The following PSMD2 variants were observed in gnomAD, a reference collection of about 807,000 sequenced individuals.
PSMD2 encodes the protein proteasome 26S subunit ubiquitin receptor, non-ATPase 2.
A neutral mutation model predicts 101.5 loss-of-function variants in PSMD2; 8 were observed. That is an observed-to-expected ratio of 0.08 (90% confidence interval 0.05 to 0.14). The LOEUF is 0.14. PSMD2 is among the 10% of genes least tolerant of loss of function. The probability of loss-of-function intolerance (pLI) is 1.00; values close to 1 mark genes in which losing one functional copy is unlikely to be tolerated. For missense variants in PSMD2, 784 were observed against 1,147.4 expected (o/e 0.68, Z 4.58); for synonymous variants, 418 against 433.8 (o/e 0.96, Z 0.45).
At position 184,304,566 on chromosome 3, in the gene PSMD2, G is replaced by A. The variant is rs1224520626; in HGVS notation, c.1539+175G>A. On this transcript the variant is annotated intron_variant, in intron 12 of 20. Coordinates refer to ENST00000310118, the MANE Select transcript of PSMD2 (RefSeq NM_002808.5). The surrounding 1 kb of genome is among the most constrained non-coding windows in gnomAD (Gnocchi z 4.1). ...GAAACCCCTTGATCTGGGATTCTAA[G>A]CCTCTGGTGGTTTTAAGGCTAAAGA... Among the ~76,000 whole-genome samples the A allele has an allele frequency of 6.6e-6, 1 of 152,184 alleles. No homozygotes were observed. Among genetic ancestry groups the A allele is most frequent in the Non-Finnish European group, 1.5e-5 (1 of 68,042 alleles).
At position 184,308,953 on chromosome 3, in the gene PSMD2, A is replaced by G; in HGVS notation, c.*63A>G. ...CAGCAGGCCATGCATCCTGCTGCCA[A>G]GGGTGGACACGGCTGCAGACTTCTG... is the stretch of plus-strand genomic sequence containing the variant. On this transcript the variant is annotated 3_prime_UTR_variant, in exon 21 of 21. Transcript: ENST00000310118. The surrounding 1 kb of genome is among the most constrained non-coding windows in gnomAD (Gnocchi z 6.0). The G allele has an allele frequency of 2.0e-6, 3 of 1,516,014 alleles. No homozygotes were observed. The African/African-American group carries it at 4.1e-5, about 21-fold the overall frequency. The allele number at this position is 1,516,014 out of a possible 1,614,324, so 93.9% of individuals were successfully genotyped here. A position where few individuals can be genotyped will look rare whatever the true frequency, so the allele number is the denominator to read the frequency against.
rs1721894997 is a variant in PSMD2 at position 184,308,078 on chromosome 3, G to A, written c.2425+62G>A. On this transcript the variant is annotated intron_variant, in intron 19 of 20. Transcript: ENST00000310118. This position sits in a 1 kb window ranked among gnomAD's most constrained non-coding sequence, Gnocchi z 6.0. The stretch of plus-strand genomic sequence containing the variant: ...AGGGCTCTGACTCCACCCTTTCCAG[G>A]GCCACTTTGATAATTTAGGTTCAAG... The A allele has an allele frequency of 1.3e-6, 2 of 1,593,212 alleles. No individual in the cohort carries two copies. The highest frequency in any genetic ancestry group is 1.7e-6 in the Non-Finnish European group (2 of 1,170,730).
At chr3:184,305,723 A>AAC in intron 12 of PSMD2, 45 bp from the exon 13 acceptor site, 1 of 1,558,596 alleles carries the variant, frequency 6.4e-7, no homozygotes, top group Non-Finnish European at 8.8e-7. Context: ...AGACATAAAT[A>AAC]TTTTAATAAC....
chr3:184,302,274 A>T, intron 5 of PSMD2, 96 bp from the exon 6 acceptor site: 1 of 1,326,226 alleles, frequency 7.5e-7, no homozygotes, highest in Non-Finnish European at 1.0e-6. Context: ...CCTGGTGTAT[A>T]TAGTAGATAT....
intron 14 of PSMD2, 71 bp downstream of exon 14, chr3:184,306,226 A>G: frequency 6.3e-7 from 1 of 1,597,582 alleles, no homozygotes; most frequent in Non-Finnish European, 8.6e-7. Context: ...CCTTATTTTC[A>G]GGTTGTTTCT....
chr3:184,308,918 C>T lies in PSMD2; in HGVS notation c.*28C>T. 6.3e-7 allele frequency: 1 copy of T among 1,591,368 alleles called. No homozygotes were observed. The highest frequency in any genetic ancestry group is 1.3e-5 in the African/African-American group (1 of 74,590). On this transcript the variant is annotated 3_prime_UTR_variant, in exon 21 of 21. Coordinates refer to ENST00000310118, the MANE Select transcript of PSMD2 (RefSeq NM_002808.5). This position sits in a 1 kb window ranked among gnomAD's most constrained non-coding sequence, Gnocchi z 6.0. Reference sequence around the variant, plus strand: ...GACCACCAGGGGCTCTGAACTGCAGCTGATGTTATCAGCAGGCCATGCATC... The same window carrying T: ...GACCACCAGGGGCTCTGAACTGCAGTTGATGTTATCAGCAGGCCATGCATC...
rs774749948 is a variant in PSMD2, at chr3:184,308,432, C to T, written c.2426-17C>T. The T allele has an allele frequency of 6.3e-7, 1 of 1,582,448 alleles. No homozygotes were observed. Among genetic ancestry groups the T allele is most frequent in the Non-Finnish European group, 8.6e-7 (1 of 1,158,774 alleles). ...TCTTTTTGTCTCTTAACTTTTTGTC[C>T]TGTCTGCTTCCCTCAGTTATTCTAG... On this transcript the variant is annotated splice_polypyrimidine_tract_variant and intron_variant, in intron 19 of 20. Coordinates refer to ENST00000310118, the MANE Select transcript of PSMD2 (RefSeq NM_002808.5). The surrounding 1 kb of genome is among the most constrained non-coding windows in gnomAD (Gnocchi z 6.0).
Position 184,300,361 on chromosome 3 carries a change from G to A in PSMD2, c.274G>A (p.Val92Met). Residue 92 changes from valine to methionine, a missense_variant, in exon 3 of 21, where the codon GTG becomes ATG. By Grantham distance (21) the Val-to-Met change is conservative. Transcript: ENST00000310118. ...TTCTTCTACAACTTCCATGACTTCA[G>A]TGCCCAAGCCTCTCAAATTTCTGCG... ...IRSSTTSMTS[V>M]PKPLKFLRPH... 1 of 1,613,986 alleles carries A rather than the reference G, an allele frequency of 6.2e-7. No individual in the cohort carries two copies. The highest frequency in any genetic ancestry group is 8.5e-7 in the Non-Finnish European group (1 of 1,179,870).
chr3:184,303,218 TA>T, intron 8 of PSMD2, 101 bp from the exon 9 acceptor site: 1 of 1,519,834 alleles, frequency 6.6e-7, no homozygotes, highest in Non-Finnish European at 9.0e-7. Context: ...TAGAGGATAC[TA>T]AGGGACTAGC....
chr3:184,300,605 G>A, intron 3 of PSMD2, 161 bp downstream of exon 3: 4 of 1,416,886 alleles, frequency 2.8e-6, no homozygotes, highest in Non-Finnish European at 3.7e-6. Flanking sequence ...AGAGCTGAAA[G>A]GAAGGTCAGC....
rs922681325 is a variant in PSMD2, at chr3:184,304,488, G to T, written c.1539+97G>T. On this transcript the variant is annotated intron_variant, in intron 12 of 20. Coordinates refer to ENST00000310118, the MANE Select transcript of PSMD2 (RefSeq NM_002808.5). The surrounding 1 kb of genome is among the most constrained non-coding windows in gnomAD (Gnocchi z 4.1). ...ATGAAAAAGAAGTAAGTGTGTGCAT[G>T]TGTGCATACATGTACATGCCTGTTG... The T allele has an allele frequency of 4.1e-6, 5 of 1,233,938 alleles. No individual in the cohort carries two copies. Among genetic ancestry groups the T allele is most frequent in the Non-Finnish European group, 4.7e-6 (4 of 844,500 alleles). 76.4% of individuals were successfully genotyped at this position (1,233,938 alleles called of 1,614,324 possible).
chr3:184,305,677 T>C, intron 12 of PSMD2, 91 bp from the exon 13 acceptor site: 1 of 1,155,918 alleles, frequency 8.7e-7, no homozygotes, highest in Non-Finnish European at 1.2e-6. Flanking sequence ...GGAGAATATC[T>C]TGCAGTGGAC....
chr3:184,305,273 A>G (rs7618629), intron 12 of PSMD2, among the ~76,000 whole-genome samples: 122,879 of 152,132 alleles, frequency 0.81, 50,452 homozygotes, highest in African/African-American at 0.96. Context: ...GGTGGATCAT[A>G]AGGTCAAGAG....
At chr3:184,301,406 T>G in intron 3 of PSMD2, 131 bp from the exon 4 acceptor site, 1 of 1,169,806 alleles carries the variant, frequency 8.5e-7, no homozygotes, top group Non-Finnish European at 1.2e-6. Flanking sequence ...TTACATAACA[T>G]GTTAAATTTC....
chr3:184,302,028 A>T lies in PSMD2; in HGVS notation c.661A>T (p.Ile221Phe). The T allele has an allele frequency of 6.2e-7, 1 of 1,614,232 alleles. No individual in the cohort carries two copies. The highest frequency in any genetic ancestry group is 1.3e-5 in the African/African-American group (1 of 75,060). ...GCAGGTGGACATGCTGGAGAAGGAC[A>T]TTGATGAAAATGCATATGCAAAGGT... Reference protein sequence around the residue: ...IEQVDMLEKDIDENAYAKVCL... With the variant: ...IEQVDMLEKDFDENAYAKVCL... Residue 221 changes from isoleucine (I) to phenylalanine (F), a missense_variant, in exon 5 of 21, where the codon ATT (isoleucine) becomes TTT (phenylalanine). Physicochemically the swap from Ile to Phe is conservative, Grantham distance 21. This residue lies in a region of PSMD2 where 208 missense variants were observed against 301.6 expected (regional missense o/e 0.69). Coordinates refer to ENST00000310118, the MANE Select transcript of PSMD2 (RefSeq NM_002808.5).
chr3:184,306,722 A>C, intron 15 of PSMD2, 29 bp from the exon 16 acceptor site: 2 of 1,597,342 alleles, frequency 1.3e-6, no homozygotes, highest in Non-Finnish European at 1.7e-6. Flanking sequence ...CCTTGAGCTT[A>C]ATGGGTTCTG....
At chr3:184,305,444 G>A (rs534901476) in intron 12 of PSMD2, among the ~76,000 whole-genome samples, 5 of 150,214 alleles carry the variant, frequency 3.3e-5, no homozygotes, top group African/African-American at 9.8e-5. Context: ...AGCCAAAATC[G>A]CGACACTGCA....
At chr3:184,306,599 A>G in intron 15 of PSMD2, 104 bp downstream of exon 15, 1 of 1,542,158 alleles carries the variant, frequency 6.5e-7, no homozygotes, top group African/African-American at 1.4e-5. Flanking sequence ...GGGTATTGCC[A>G]TGTATTGAAA....
chr3:184,308,184 T>C lies in PSMD2; in HGVS notation c.2425+168T>C, dbSNP rs747780153. Among the ~76,000 whole-genome samples, 3 of 152,158 alleles carry C rather than the reference T, an allele frequency of 2.0e-5. No homozygotes were observed. The highest frequency in any genetic ancestry group is 2.9e-5 in the Non-Finnish European group (2 of 68,024). On this transcript the variant is annotated intron_variant, in intron 19 of 20. Transcript: ENST00000310118. This position sits in a 1 kb window ranked among gnomAD's most constrained non-coding sequence, Gnocchi z 6.0. ...ACATGAGACTTTCATCACCCACACT[T>C]TTGATCTGGCCCAAAGAGATTTGAG... is the stretch of plus-strand genomic sequence containing the variant.
Sources: gnomAD v4.1 joint callset for allele counts (sites outside exome capture counted in the v4.1 genomes callset) on GRCh38, gnomAD v4.1.1 for gene constraint, gnomAD v4.1.1 regional missense constraint, Gnocchi (gnomAD v3.1) non-coding constraint, MANE v1.5 for transcripts, NCBI Gene and HGNC (gene_info 2026-07-23, HGNC 2026-07-21) for gene names.